The following SLC25A21 variants were observed in gnomAD, a reference collection of about 807,000 sequenced individuals.
SLC25A21 encodes the protein mitochondrial 2-oxodicarboxylate carrier.
SLC25A21 carries 47 observed loss-of-function variants against 43.8 expected under a neutral mutation model. The observed-to-expected ratio is 1.07, with a 90% CI of 0.85 to 1.37. SLC25A21 has a LOEUF of 1.37. Ranked by LOEUF, SLC25A21 falls within the 40% of genes most tolerant of loss-of-function variation. SLC25A21 has a pLI of 0.00. For synonymous variants in SLC25A21, 131 were observed against 121.3 expected, an observed-to-expected ratio of 1.08 and a Z score of -0.52; for missense variants, 352 against 350.2, an observed-to-expected ratio of 1.00 and a Z score of -0.04.
intron 1 of SLC25A21, among the ~76,000 whole-genome samples, chr14:36,927,781 A>G (rs1288858339): frequency 2.0e-5 from 3 of 152,184 alleles, no homozygotes; most frequent in Non-Finnish European, 4.4e-5. Flanking sequence ...GCTGACTTAA[A>G]TCCAATTTTG....
Position 36,678,690 on chromosome 14 carries a change from A to T in SLC25A21, c.*1968T>A. On this transcript the variant is annotated 3_prime_UTR_variant, in exon 10 of 10. Coordinates refer to ENST00000331299, the MANE Select transcript of SLC25A21 (RefSeq NM_030631.4). ...TACTTGCTTGTGTGGAAATGCAAAT[A>T]ATGTTATTTTCTTTATCTAAATTAA... The T allele has an allele frequency of 1.6e-6, 2 of 1,249,550 alleles. No individual in the cohort carries two copies. The highest frequency in any genetic ancestry group is 2.0e-6 in the Non-Finnish European group (2 of 996,044). The allele number at this position is 1,249,550 out of a possible 1,614,324, so 77.4% of individuals were successfully genotyped here. A position where few individuals can be genotyped will look rare whatever the true frequency, so the allele number is the denominator to read the frequency against.
chr14:36,750,916 C>T (rs1473419108), intron 3 of SLC25A21, among the ~76,000 whole-genome samples: 2 of 152,110 alleles, frequency 1.3e-5, no homozygotes, highest in African/African-American at 4.8e-5. Context: ...GTGCTTCATG[C>T]CTCTGCTCTG....
Position 36,679,094 on chromosome 14 carries a change from C to T in SLC25A21, c.*1564G>A. On this transcript the variant is annotated 3_prime_UTR_variant, in exon 10 of 10. Transcript: ENST00000331299. ...GGTTAAAGGTTCAATTTCATGACCT[C>T]TATGCAGGCAGCGCTCTCATTGGAT... is the stretch of plus-strand genomic sequence containing the variant. 1 of 985,400 alleles carries T rather than the reference C, an allele frequency of 1.0e-6. No homozygotes were observed. Among genetic ancestry groups the T allele is most frequent in the Non-Finnish European group, 1.2e-6 (1 of 829,936 alleles). The allele number at this position is 985,400 out of a possible 1,614,324, so 61.0% of individuals were successfully genotyped here.
At chr14:37,073,216 C>G (rs966183785) in intron 1 of SLC25A21, among the ~76,000 whole-genome samples, 1 of 152,174 alleles carries the variant, frequency 6.6e-6, no homozygotes, top group Non-Finnish European at 1.5e-5. Flanking sequence ...TAGCTGAGAC[C>G]AAGAGAATAT....
In SLC25A21 at chr14:37,145,476, C is replaced by CACAG. The variant is rs780734735; in HGVS notation, c.70+26804_70+26805insCTGT. On this transcript the variant is annotated intron_variant, in intron 1 of 9. Coordinates refer to ENST00000331299, the MANE Select transcript of SLC25A21 (RefSeq NM_030631.4). ...ACACACACACACACACACACACACA[C>CACAG]AGAGAGATGAGCTAAATAACTCTTT... 1.3e-3 allele frequency among the ~76,000 whole-genome samples: 183 copies of CACAG among 143,668 alleles called. 1 individual carries two copies. Among genetic ancestry groups the CACAG allele is most frequent in the African/African-American group, 3.6e-3 (136 of 38,016 alleles). 94.3% of individuals were successfully genotyped at this position (143,668 alleles called of 152,430 possible).
chr14:36,944,637 A>T (rs1892640185), intron 1 of SLC25A21, among the ~76,000 whole-genome samples: 1 of 152,212 alleles, frequency 6.6e-6, no homozygotes, highest in South Asian at 2.1e-4. Flanking sequence ...CCTATTCAAT[A>T]CACAAGAAAA....
rs529361342 is a variant in SLC25A21, at chr14:36,964,692, A to AATAT, written c.71-89689_71-89688insATAT. ...CATTTAGGTATTAAGCAGTGACTAT[A>AATAT]AATATAAGTAGAATCAGGGCCTGCA... On this transcript the variant is annotated intron_variant, in intron 1 of 9. Coordinates refer to ENST00000331299, the MANE Select transcript of SLC25A21 (RefSeq NM_030631.4). 3.4e-3 allele frequency among the ~76,000 whole-genome samples: 514 copies of AATAT among 152,316 alleles called. 3 individuals carry two copies. Among genetic ancestry groups the AATAT allele is most frequent in the African/African-American group, 0.012 (503 of 41,564 alleles).
chr14:36,732,523 A>G (rs1470130158), intron 4 of SLC25A21, among the ~76,000 whole-genome samples: 1 of 152,178 alleles, frequency 6.6e-6, no homozygotes, highest in Non-Finnish European at 1.5e-5. Context: ...ATTTAGCATC[A>G]GTAAGTCTTA....
chr14:37,164,170 A>G (rs912545959), intron 1 of SLC25A21, among the ~76,000 whole-genome samples: 2 of 152,222 alleles, frequency 1.3e-5, no homozygotes, highest in African/African-American at 4.8e-5. Flanking sequence ...GAGTAAAATA[A>G]GAAATCCTTT....
At chr14:37,165,700 T>C (rs749288992) in intron 1 of SLC25A21, among the ~76,000 whole-genome samples, 4 of 151,980 alleles carry the variant, frequency 2.6e-5, no homozygotes, top group Non-Finnish European at 5.9e-5. Context: ...TAAGATAACA[T>C]TGTCACAGAC....
At chr14:36,988,768 G>T (rs1960200650) in intron 1 of SLC25A21, among the ~76,000 whole-genome samples, 1 of 152,124 alleles carries the variant, frequency 6.6e-6, no homozygotes, top group South Asian at 2.1e-4. Flanking sequence ...TACATTTAAT[G>T]GATAGTGTGG....
chr14:37,034,011 G>C (rs1961273764), intron 1 of SLC25A21, among the ~76,000 whole-genome samples: 1 of 147,258 alleles, frequency 6.8e-6, no homozygotes, highest in Admixed American at 6.8e-5. Flanking sequence ...ATTCTGGGGA[G>C]GTCACAATTT....
chr14:37,136,233 A>T (rs1442345294), intron 1 of SLC25A21, among the ~76,000 whole-genome samples: 1 of 152,216 alleles, frequency 6.6e-6, no homozygotes, highest in African/African-American at 2.4e-5. Flanking sequence ...AATTGTTCTC[A>T]ACTATTAATT....
intron 1 of SLC25A21, among the ~76,000 whole-genome samples, chr14:36,977,713 T>C (rs1258374061): frequency 6.6e-6 from 1 of 152,150 alleles, no homozygotes; most frequent in East Asian, 1.9e-4. Flanking sequence ...ACACTATTAT[T>C]TATATCACAC....
chr14:36,724,380 C>G (rs1419533706), intron 6 of SLC25A21, among the ~76,000 whole-genome samples: 1 of 152,172 alleles, frequency 6.6e-6, no homozygotes, highest in African/African-American at 2.4e-5. Context: ...CAGGCAGCAT[C>G]AGCAGGCAGG....
intron 1 of SLC25A21, among the ~76,000 whole-genome samples, chr14:36,944,166 G>C (rs1892629974): frequency 1.3e-5 from 2 of 152,192 alleles, no homozygotes; most frequent in African/African-American, 4.8e-5. Flanking sequence ...GGTGCCTCTG[G>C]CCAGTTGTCA....
intron 1 of SLC25A21, among the ~76,000 whole-genome samples, chr14:36,912,707 C>T (rs1181289740): frequency 6.6e-6 from 1 of 152,172 alleles, no homozygotes; most frequent in South Asian, 2.1e-4. Context: ...AAGTGTTAGA[C>T]TTGCCAAGAA....
At chr14:36,845,865 A>C (rs541046766) in intron 2 of SLC25A21, among the ~76,000 whole-genome samples, 1 of 152,292 alleles carries the variant, frequency 6.6e-6, no homozygotes, top group Admixed American at 6.5e-5. Flanking sequence ...TTTTCCAGAG[A>C]TCATAATTCC....
chr14:36,734,785 C>T (rs979878034), intron 3 of SLC25A21, among the ~76,000 whole-genome samples: 1 of 151,996 alleles, frequency 6.6e-6, no homozygotes, highest in African/African-American at 2.4e-5. Context: ...GACAGGAATC[C>T]CTTAGATAAG....
Sources: gnomAD v4.1 joint callset for allele counts (sites outside exome capture counted in the v4.1 genomes callset) on GRCh38, gnomAD v4.1.1 for gene constraint, MANE v1.5 for transcripts, NCBI Gene and HGNC (gene_info 2026-07-23, HGNC 2026-07-21) for gene names.